TEKTIP1: variants seen among roughly 807,000 people sequenced by gnomAD.
The protein encoded by TEKTIP1 is tektin bundle-interacting protein 1.
the TEKTIP1 span, chr19:3,543,793 G>C: frequency 6.7e-7 from 1 of 1,499,596 alleles, no homozygotes; most frequent in Non-Finnish European, 9.0e-7. Flanking sequence ...ACGGCGAGGA[G>C]GTGGGGGCAC....
chr19:3,539,371 C>G, the TEKTIP1 span: 1 of 675,320 alleles, frequency 1.5e-6, no homozygotes, highest in Non-Finnish European at 2.6e-6. Context: ...CTCGTTATTC[C>G]TAAAAGGCTC....
chr19:3,539,287 C>CAA, the TEKTIP1 span: 1 of 1,390,050 alleles, frequency 7.2e-7, no homozygotes, highest in Non-Finnish European at 1.0e-6. Flanking sequence ...AGGTGAGCCC[C>CAA]TCCCAGCCCC....
the TEKTIP1 span, chr19:3,541,658 C>G: frequency 1.1e-5 from 11 of 985,170 alleles, no homozygotes; most frequent in Non-Finnish European, 1.3e-5. Context: ...AATGGAGATG[C>G]AGTGAATGGG....
chr19:3,539,266 C>T, the TEKTIP1 span: 17 of 1,538,554 alleles, frequency 1.1e-5, no homozygotes, highest in Admixed American at 1.4e-4. Flanking sequence ...TACAGGTGAG[C>T]CCCTCCCTAC....
the TEKTIP1 span, chr19:3,543,984 C>T: frequency 6.5e-7 from 1 of 1,547,502 alleles, no homozygotes; most frequent in Non-Finnish European, 8.7e-7. Flanking sequence ...GCGGTCCCCG[C>T]CTTCCCTCAC....
the TEKTIP1 span, chr19:3,541,631 T>C: frequency 2.0e-6 from 2 of 984,916 alleles, no homozygotes; most frequent in Admixed American, 6.2e-5. Flanking sequence ...CAAGACCCTA[T>C]TTCTATTTTT....
the TEKTIP1 span, among the ~76,000 whole-genome samples, chr19:3,540,490 T>TA: frequency 6.6e-6 from 1 of 150,640 alleles, no homozygotes; most frequent in Non-Finnish European, 1.5e-5. Context: ...TCTCCTGACC[T>TA]CATGATCTGC....
At chr19:3,543,152 C>T in the TEKTIP1 span, 81 of 1,513,980 alleles carry the variant, frequency 5.4e-5, no homozygotes, top group African/African-American at 9.3e-4. Flanking sequence ...GCCTCTACAT[C>T]ATCCACCCTG....
the TEKTIP1 span, chr19:3,539,429 G>A: frequency 5.1e-6 from 3 of 589,428 alleles, no homozygotes; most frequent in Non-Finnish European, 9.2e-6. Context: ...TCCGGCCAGT[G>A]GCCGCTCACT....
chr19:3,541,567 T>C, the TEKTIP1 span: 28 of 649,760 alleles, frequency 4.3e-5, 1 homozygote, highest in Admixed American at 6.9e-5. Context: ...ATGATCCGCC[T>C]GCCTCGGCCT....
the TEKTIP1 span, chr19:3,542,393 G>T: frequency 1.0e-6 from 1 of 985,280 alleles, no homozygotes; most frequent in Admixed American, 6.2e-5. Flanking sequence ...CTGTCTTGGG[G>T]CCAGCAACCT....
At chr19:3,543,450 A>G in the TEKTIP1 span, 1 of 1,520,482 alleles carries the variant, frequency 6.6e-7, no homozygotes, top group Non-Finnish European at 8.8e-7. Context: ...TGCTACCAAC[A>G]CCGTGAGTGC....
the TEKTIP1 span, among the ~76,000 whole-genome samples, chr19:3,540,897 G>A: frequency 1.0e-4 from 15 of 145,430 alleles, no homozygotes; most frequent in East Asian, 4.1e-4. Context: ...AAATCCAGGC[G>A]CAGTGGCTCA....
At chr19:3,543,607 C>T in the TEKTIP1 span, 10 of 1,544,962 alleles carry the variant, frequency 6.5e-6, no homozygotes, top group Middle Eastern at 2.1e-4. Flanking sequence ...TCGTCCCTGC[C>T]CAGTACCAGG....
At chr19:3,539,312 C>G in the TEKTIP1 span, 1 of 1,149,096 alleles carries the variant, frequency 8.7e-7, no homozygotes, top group Non-Finnish European at 1.3e-6. Flanking sequence ...TCCCTCCCTC[C>G]CTGGGTGTCA....
the TEKTIP1 span, chr19:3,543,637 G>A: frequency 6.5e-7 from 1 of 1,544,166 alleles, no homozygotes; most frequent in Non-Finnish European, 8.7e-7. Flanking sequence ...CCCGGTGGGG[G>A]AGCGCGCTGT....
chr19:3,540,492 A>AGG, the TEKTIP1 span, among the ~76,000 whole-genome samples: 1 of 151,030 alleles, frequency 6.6e-6, no homozygotes, highest in Non-Finnish European at 1.5e-5. Context: ...TCCTGACCTC[A>AGG]TGATCTGCCC....
the TEKTIP1 span, chr19:3,543,413 C>A: frequency 9.0e-6 from 14 of 1,547,874 alleles, no homozygotes; most frequent in African/African-American, 2.7e-5. Context: ...CAGCCCCTTC[C>A]GCGAGGCCTA....
At chr19:3,542,329 C>T in the TEKTIP1 span, 1 of 985,442 alleles carries the variant, frequency 1.0e-6, no homozygotes. Context: ...GCCATGAGAG[C>T]TGGAACCGGG....
Sources: gnomAD v4.1 joint callset for allele counts (sites outside exome capture counted in the v4.1 genomes callset) on GRCh38, gnomAD v4.1.1 for gene constraint, MANE v1.5 for transcripts, NCBI Gene and HGNC (gene_info 2026-07-23, HGNC 2026-07-21) for gene names.